The following NFASC variants were observed in gnomAD, a reference collection of about 807,000 sequenced individuals.
The protein encoded by NFASC is neurofascin homolog.
NFASC carries 43 observed loss-of-function variants against 147.5 expected under a neutral mutation model. That is an observed-to-expected ratio of 0.29 (90% CI 0.23 to 0.38). NFASC has a LOEUF of 0.38. Ranked by LOEUF, NFASC falls within the 10% of genes least tolerant of loss-of-function variation. The pLI is 1.00. For missense variants in NFASC, 1,320 were observed against 1,689.0 expected, an observed-to-expected ratio of 0.78 and a Z score of 3.83; for synonymous variants, 622 against 665.5, an observed-to-expected ratio of 0.93 and a Z score of 1.01.
intron 1 of NFASC, among the ~76,000 whole-genome samples, chr1:204,877,021 TATATATA>T (rs1479229387): frequency 9.7e-6 from 1 of 103,340 alleles, no homozygotes; most frequent in East Asian, 6.9e-4. Flanking sequence ...TATATATATA[TATATATA>T]ATATATATTT....
intron 1 of NFASC, among the ~76,000 whole-genome samples, chr1:204,909,465 C>T (rs994503463): frequency 6.6e-6 from 1 of 151,968 alleles, no homozygotes; most frequent in African/African-American, 2.4e-5. Flanking sequence ...GCCTCTACTG[C>T]TGAATTTTGA....
intron 1 of NFASC, among the ~76,000 whole-genome samples, chr1:204,834,714 C>T (rs1558472673): frequency 6.6e-6 from 1 of 152,108 alleles, no homozygotes; most frequent in South Asian, 2.1e-4. Context: ...AACCTCTTAC[C>T]GGGATCACAA....
chr1:204,847,570 T>C (rs1274459076), intron 1 of NFASC, among the ~76,000 whole-genome samples: 1 of 152,216 alleles, frequency 6.6e-6, no homozygotes, highest in African/African-American at 2.4e-5. Flanking sequence ...CTCCTGGCTC[T>C]TTCCCAAGGC....
chr1:204,896,252 AT>A (rs908725587), intron 1 of NFASC, among the ~76,000 whole-genome samples: 1 of 152,186 alleles, frequency 6.6e-6, no homozygotes, highest in Non-Finnish European at 1.5e-5. Context: ...GGGTTTAGTA[AT>A]TGTATTCTGA....
chr1:204,860,151 A>G (rs2076535109), intron 1 of NFASC, among the ~76,000 whole-genome samples: 1 of 152,150 alleles, frequency 6.6e-6, no homozygotes, highest in Non-Finnish European at 1.5e-5. Context: ...ATGGCCCAGG[A>G]GAGATAGCAG....
At chr1:204,856,360 T>C (rs1248952901) in intron 1 of NFASC, among the ~76,000 whole-genome samples, 1 of 143,192 alleles carries the variant, frequency 7.0e-6, no homozygotes, top group Non-Finnish European at 1.5e-5. Flanking sequence ...GTCACAAAAG[T>C]GCCAAGGAGA....
rs1022620638 is a variant in NFASC at position 205,015,470 on chromosome 1, T to G, written c.3492-838T>G. Among the ~76,000 whole-genome samples, 1 of 152,154 alleles carries G rather than the reference T, an allele frequency of 6.6e-6. No homozygotes were observed. The highest frequency in any genetic ancestry group is 2.4e-5 in the African/African-American group (1 of 41,446). On this transcript the variant is annotated intron_variant, in intron 29 of 29. Transcript: ENST00000339876. This position sits in a 1 kb window ranked among gnomAD's most constrained non-coding sequence, Gnocchi z 4.0. ...CTGGCTCAGAGAGCAGCCCCGCGCC[T>G]CCTCAGGAGCACAGCAGACATCCCA... is the stretch of plus-strand genomic sequence containing the variant.
At position 204,997,400 on chromosome 1, in the gene NFASC, G is replaced by A. The variant is rs752498583; in HGVS notation, c.3013G>A (p.Glu1005Lys). The A allele has an allele frequency of 3.7e-5, 58 of 1,551,876 alleles. No individual in the cohort carries two copies. Among genetic ancestry groups the A allele is most frequent in the Middle Eastern group, 1.7e-4 (1 of 6,014 alleles). Residue 1005 changes from glutamate to lysine, a missense_variant, in exon 25 of 30, where the codon GAA becomes AAA. Glu to Lys is a moderately conservative substitution (Grantham distance 56). Transcript: ENST00000339876. ...PTTTSGTKIH[E>K]SAPDEQSIWN... Reference sequence around the variant, plus strand: ...CACCACCTCCGGGACTAAGATACACGAATCCGGTACTGCGCATCGCCCATG... The same window carrying A: ...CACCACCTCCGGGACTAAGATACACAAATCCGGTACTGCGCATCGCCCATG...
intron 2 of NFASC, among the ~76,000 whole-genome samples, chr1:204,922,972 T>C (rs1459625860): frequency 6.6e-6 from 1 of 152,114 alleles, no homozygotes. Context: ...CCCCATGAAG[T>C]AGGGCCCATT....
At chr1:204,839,475 G>T (rs1674679989) in intron 1 of NFASC, among the ~76,000 whole-genome samples, 1 of 152,064 alleles carries the variant, frequency 6.6e-6, no homozygotes, top group Non-Finnish European at 1.5e-5. Context: ...CGGGTGGGAT[G>T]CAGGGTGCTG....
At chr1:204,861,406 T>C (rs1342157567) in intron 1 of NFASC, among the ~76,000 whole-genome samples, 1 of 151,570 alleles carries the variant, frequency 6.6e-6, no homozygotes, top group Non-Finnish European at 1.5e-5. Context: ...TTGCTTTCAA[T>C]TCTTCTGGGT....
intron 24 of NFASC, among the ~76,000 whole-genome samples, chr1:204,996,014 A>AG (rs2095839195): frequency 6.6e-6 from 1 of 152,022 alleles, no homozygotes; most frequent in Non-Finnish European, 1.5e-5. Flanking sequence ...CAAGGAGGAG[A>AG]GGGGGCTTTG....
intron 1 of NFASC, among the ~76,000 whole-genome samples, chr1:204,849,976 C>T (rs776671362): frequency 2.6e-5 from 4 of 152,164 alleles, no homozygotes; most frequent in Non-Finnish European, 4.4e-5. Context: ...ACAAACAGGA[C>T]GTAGGAACAT....
intron 1 of NFASC, among the ~76,000 whole-genome samples, chr1:204,890,715 G>A (rs1415179887): frequency 2.6e-5 from 4 of 151,948 alleles, no homozygotes; most frequent in Admixed American, 6.6e-5. Context: ...AATTACAGGC[G>A]CCCACCACCA....
chr1:204,931,228 G>A (rs1227532045), intron 2 of NFASC, among the ~76,000 whole-genome samples: 1 of 152,206 alleles, frequency 6.6e-6, no homozygotes, highest in African/African-American at 2.4e-5. Flanking sequence ...GCTGCTGCCT[G>A]TCCACATGGA....
chr1:204,852,169 C>A (rs1022335896), intron 1 of NFASC, among the ~76,000 whole-genome samples: 1 of 152,262 alleles, frequency 6.6e-6, no homozygotes, highest in Admixed American at 6.5e-5. Context: ...GGAGCATTAG[C>A]GATCATCTGA....
In NFASC at chr1:205,012,861, C is replaced by A; in HGVS notation, c.3486C>A (p.Asp1162Glu). 1 of 1,611,060 alleles carries A rather than the reference C, an allele frequency of 6.2e-7. No homozygotes were observed. The highest frequency in any genetic ancestry group is 8.5e-7 in the Non-Finnish European group (1 of 1,177,182). The change falls in exon 29 of 30, where the codon GAC (aspartate) becomes GAA (glutamate). Residue 1162 changes from aspartate to glutamate, a missense_variant. By Grantham distance (45) the Asp-to-Glu change is conservative (BLOSUM62 2). Transcript: ENST00000339876. ...CCAAGGAAGAGGATGGCTCATTTGACTATAGGTGCGTGATCTCCCTCCTCC... is the reference window on the plus strand; with the variant it reads ...CCAAGGAAGAGGATGGCTCATTTGAATATAGGTGCGTGATCTCCCTCCTCC... ...EDPKEEDGSF[D>E]YSDEDNKPLQ...
rs758117471 is a variant in NFASC at position 204,979,600 on chromosome 1, G to A, written c.2176+41G>A. ...CTGCCAGAGAAGGCTCCGGAACCCC[G>A]CACCCCAAACTCACACTGAGATCCC... On this transcript the variant is annotated intron_variant, in intron 19 of 29. Coordinates refer to ENST00000339876, the MANE Select transcript of NFASC (RefSeq NM_001005388.3). This position sits in a 1 kb window ranked among gnomAD's most constrained non-coding sequence, Gnocchi z 6.0. 2.8e-5 allele frequency: 44 copies of A among 1,576,688 alleles called. No homozygotes were observed. The highest frequency in any genetic ancestry group is 1.7e-4 in the Admixed American group (10 of 59,944).
At chr1:204,878,439 A>T (rs1477124973) in intron 1 of NFASC, among the ~76,000 whole-genome samples, 1 of 152,258 alleles carries the variant, frequency 6.6e-6, no homozygotes, top group Non-Finnish European at 1.5e-5. Flanking sequence ...TTGTAAATGC[A>T]AATGTGCTAG....
Sources: gnomAD v4.1 joint callset for allele counts (sites outside exome capture counted in the v4.1 genomes callset) on GRCh38, gnomAD v4.1.1 for gene constraint, Gnocchi (gnomAD v3.1) non-coding constraint, MANE v1.5 for transcripts, NCBI Gene and HGNC (gene_info 2026-07-23, HGNC 2026-07-21) for gene names.